Variants in SAMMSON observed in about 807,000 individuals in gnomAD.
SAMMSON encodes long intergenic non-protein coding RNA 1212.
At chr3:70,211,534 GCCCTTCCCTTCCCTTCCCTT>G in intron 4 of SAMMSON, among the ~76,000 whole-genome samples, 1 of 17,524 alleles carries the variant, frequency 5.7e-5, no homozygotes, top group Non-Finnish European at 1.1e-4. Context: ...CCTTCCCTTT[GCCCTTCCCTTCCCTTCCCTT>G]CCCTTTGCCC....
rs556767357 is a variant in SAMMSON, at chr3:70,243,030, T to C, written n.508-6077T>C. On this transcript the variant is annotated intron_variant and non_coding_transcript_variant, in intron 4 of 9. Coordinates refer to ENST00000642114, the Ensembl canonical transcript of SAMMSON. ...ATAACCGTTTTGTGACATGGGTTTT[T>C]AGCATATTTCTGGTTATTCTTTTTA... Among the ~76,000 whole-genome samples the C allele has an allele frequency of 2.0e-5, 3 of 152,330 alleles. No individual in the cohort carries two copies. The South Asian group carries it at 6.2e-4, about 32-fold the overall frequency.
intron 6 of SAMMSON, among the ~76,000 whole-genome samples, chr3:70,264,375 T>C (rs902194891): frequency 7.2e-5 from 11 of 152,228 alleles, no homozygotes; most frequent in Admixed American, 1.3e-4. Flanking sequence ...AGAGTGGATT[T>C]ATTTTTAGAG....
At chr3:70,284,919 T>C (rs1702127150) in intron 6 of SAMMSON, among the ~76,000 whole-genome samples, 1 of 151,920 alleles carries the variant, frequency 6.6e-6, no homozygotes, top group African/African-American at 2.4e-5. Context: ...CAAAAAAGAG[T>C]AAATGGCATT....
intron 6 of SAMMSON, among the ~76,000 whole-genome samples, chr3:70,264,048 C>A (rs1021030039): frequency 6.6e-6 from 1 of 152,220 alleles, no homozygotes; most frequent in South Asian, 2.1e-4. Flanking sequence ...GTTATAAATT[C>A]TGTAATCATC....
At chr3:70,410,257 C>A (rs1701207474) in intron 2 of SAMMSON, among the ~76,000 whole-genome samples, 1 of 152,138 alleles carries the variant, frequency 6.6e-6, no homozygotes, top group Non-Finnish European at 1.5e-5. Flanking sequence ...GGCTACATGC[C>A]CTATTTTAGA....
intron 4 of SAMMSON, among the ~76,000 whole-genome samples, chr3:70,191,688 T>C (rs1221122091): frequency 6.6e-6 from 1 of 152,172 alleles, no homozygotes; most frequent in South Asian, 2.1e-4. Context: ...ATAGCCATAG[T>C]ATTTTTCTGA....
intron 4 of SAMMSON, chr3:70,125,832 T>G (rs1200460054): frequency 1.5e-6 from 1 of 665,344 alleles, no homozygotes. Flanking sequence ...GATTTGCTAG[T>G]TCCATTAGTT....
At chr3:70,255,793 T>C (rs1384188764) in intron 6 of SAMMSON, among the ~76,000 whole-genome samples, 1 of 152,188 alleles carries the variant, frequency 6.6e-6, no homozygotes, top group African/African-American at 2.4e-5. Context: ...ATGTGCCCTC[T>C]GAACATTAGG....
At chr3:70,255,302 C>A (rs990889648) in intron 6 of SAMMSON, among the ~76,000 whole-genome samples, 1 of 152,130 alleles carries the variant, frequency 6.6e-6, no homozygotes, top group Non-Finnish European at 1.5e-5. Flanking sequence ...AACATACATA[C>A]TGTGATTTTA....
chr3:70,169,553 A>T (rs772708187), intron 4 of SAMMSON, among the ~76,000 whole-genome samples: 4 of 151,968 alleles, frequency 2.6e-5, no homozygotes, highest in Non-Finnish European at 5.9e-5. Flanking sequence ...TGCTGCATGA[A>T]AGCTTCATGG....
chr3:70,324,214 CCA>C (rs1702561076), intron 7 of SAMMSON, among the ~76,000 whole-genome samples: 1 of 149,828 alleles, frequency 6.7e-6, no homozygotes, highest in South Asian at 2.1e-4. Flanking sequence ...ATCTATCTAT[CCA>C]CACACACAGA....
At chr3:70,381,106 A>G (rs1470600030) in intron 9 of SAMMSON, among the ~76,000 whole-genome samples, 1 of 152,172 alleles carries the variant, frequency 6.6e-6, no homozygotes, top group Non-Finnish European at 1.5e-5. Flanking sequence ...TTCTGACAGC[A>G]TCTTGGAGAA....
At chr3:70,166,630 A>C (rs2067638382) in intron 4 of SAMMSON, among the ~76,000 whole-genome samples, 1 of 151,938 alleles carries the variant, frequency 6.6e-6, no homozygotes, top group Non-Finnish European at 1.5e-5. Context: ...AGGGTGATTT[A>C]AAGAAGAGCA....
At chr3:70,374,488 C>T (rs1448203970) in intron 9 of SAMMSON, among the ~76,000 whole-genome samples, 2 of 152,110 alleles carry the variant, frequency 1.3e-5, no homozygotes, top group Non-Finnish European at 2.9e-5. Context: ...AAGTTTCTTG[C>T]TTTGTATTCT....
intron 7 of SAMMSON, among the ~76,000 whole-genome samples, chr3:70,346,878 T>C (rs1308782953): frequency 6.6e-6 from 1 of 152,204 alleles, no homozygotes; most frequent in Non-Finnish European, 1.5e-5. Flanking sequence ...CAGCACCATC[T>C]CTGAGGTGTT....
intron 3 of SAMMSON, among the ~76,000 whole-genome samples, chr3:70,017,018 C>T (rs1436324262): frequency 6.6e-5 from 10 of 152,072 alleles, no homozygotes; most frequent in Admixed American, 3.3e-4. Context: ...AGTCAGGTAG[C>T]GTGATGCCTC....
At chr3:70,021,284 A>G (rs2067012351) in intron 3 of SAMMSON, among the ~76,000 whole-genome samples, 1 of 152,108 alleles carries the variant, frequency 6.6e-6, no homozygotes. Context: ...ATTTTTTCAT[A>G]TTAGATTTTC....
At chr3:70,130,084 G>A (rs2067476117) in intron 4 of SAMMSON, among the ~76,000 whole-genome samples, 1 of 152,178 alleles carries the variant, frequency 6.6e-6, no homozygotes. Flanking sequence ...AGTGATGACA[G>A]TCTCCCATGC....
chr3:70,295,667 G>C (rs993239928), intron 7 of SAMMSON, among the ~76,000 whole-genome samples: 2 of 152,146 alleles, frequency 1.3e-5, no homozygotes, highest in African/African-American at 4.8e-5. Context: ...CCTCCAGCTT[G>C]AGTGACAGTG....
Sources: gnomAD v4.1 joint callset for allele counts (sites outside exome capture counted in the v4.1 genomes callset) on GRCh38, gnomAD v4.1.1 for gene constraint, MANE v1.5 for transcripts, NCBI Gene and HGNC (gene_info 2026-07-23, HGNC 2026-07-21) for gene names.